The following SGSM1 variants were observed in gnomAD, a reference collection of about 807,000 sequenced individuals.
SGSM1 encodes the protein RUN and TBC1 domain containing 2.
In SGSM1, 73 loss-of-function variants were observed where a neutral mutation model predicts 133.8. The observed-to-expected ratio is 0.55, with a 90% CI of 0.45 to 0.66. The LOEUF (loss-of-function observed/expected upper bound fraction) is 0.66, where lower values mean the gene tolerates loss of function less well. SGSM1 is among the 30% of genes least tolerant of loss of function. The pLI, the probability that SGSM1 is intolerant of heterozygous loss-of-function variation, is 0.00. For missense variants in SGSM1, 1,213 were observed against 1,448.1 expected, an observed-to-expected ratio of 0.84 and a Z score of 2.64; for synonymous variants, 563 against 573.0, an observed-to-expected ratio of 0.98 and a Z score of 0.25.
chr22:24,837,580 C>CG (rs1929514449), intron 2 of SGSM1, among the ~76,000 whole-genome samples: 5 of 57,508 alleles, frequency 8.7e-5, no homozygotes, highest in African/African-American at 6.3e-4. Flanking sequence ...AAAGGGAGAC[C>CG]CCCCCCCCCC....
chr22:24,885,705 A>C (rs1398772392), intron 15 of SGSM1, among the ~76,000 whole-genome samples: 1 of 152,170 alleles, frequency 6.6e-6, no homozygotes, highest in Non-Finnish European at 1.5e-5. Context: ...TACAGGCGTG[A>C]GCCACTACGC....
intron 14 of SGSM1, among the ~76,000 whole-genome samples, chr22:24,882,078 T>A (rs1330003417): frequency 6.6e-6 from 1 of 152,120 alleles, no homozygotes. Flanking sequence ...AATTTCTACT[T>A]TTATTTTAGT....
intron 15 of SGSM1, 102 bp from the exon 16 acceptor site, chr22:24,886,498 G>A: frequency 1.4e-6 from 2 of 1,439,976 alleles, no homozygotes; most frequent in Non-Finnish European, 9.3e-7. Context: ...AAGGTCAGGA[G>A]TTCAAGACCA....
Position 24,837,578 on chromosome 22 carries a change from ACCCC to A in SGSM1, c.64-7309_64-7306del, listed in dbSNP as rs71189302. Among the ~76,000 whole-genome samples the A allele has an allele frequency of 2.0e-3, 102 of 51,696 alleles. 3 individuals are homozygous for A. Among genetic ancestry groups the A allele is most frequent in the African/African-American group, 0.01 (89 of 8,652 alleles). 33.9% of individuals were successfully genotyped at this position (51,696 alleles called of 152,430 possible). On this transcript the variant is annotated intron_variant, in intron 2 of 24. Transcript: ENST00000400358. ...TCTAAACTCCCCCGGGGAAAGGGAG[ACCCC>A]CCCCCCCCCTTTCCCAGTCTGCTAA...
chr22:24,882,503 T>G (rs1331543915), intron 14 of SGSM1, among the ~76,000 whole-genome samples: 1 of 152,236 alleles, frequency 6.6e-6, no homozygotes, highest in Non-Finnish European at 1.5e-5. Flanking sequence ...CTTCAAACAT[T>G]TATCTTCATT....
chr22:24,886,262 G>T (rs1932593358), intron 15 of SGSM1, among the ~76,000 whole-genome samples: 2 of 151,660 alleles, frequency 1.3e-5, no homozygotes, highest in Admixed American at 1.3e-4. Flanking sequence ...TTAGCTGGAT[G>T]TGGTGGCAAG....
At chr22:24,893,240 G>A (rs914400578) in intron 16 of SGSM1, among the ~76,000 whole-genome samples, 191 bp from the exon 17 acceptor site, 2 of 152,212 alleles carry the variant, frequency 1.3e-5, no homozygotes, top group Admixed American at 1.3e-4. Context: ...GAAAGAAGTA[G>A]CCTTGCTCCC....
chr22:24,897,905 G>A, intron 18 of SGSM1, 67 bp from the exon 19 acceptor site: 2 of 1,373,436 alleles, frequency 1.5e-6, no homozygotes, highest in South Asian at 1.4e-5. Flanking sequence ...GGATGTTTAG[G>A]TTGCTGATGT....
In SGSM1 at chr22:24,874,370, C is replaced by T. The variant is rs372283322; in HGVS notation, c.1292-2207C>T. ...CCAGCTGTCTCAGTGTCCTGCCCAC[C>T]GCAGAACCCCCACCTCACTGGTTCT... On this transcript the variant is annotated intron_variant, in intron 12 of 24. Coordinates refer to ENST00000400358, the MANE Select transcript of SGSM1 (RefSeq NM_001098497.3). 1.5e-4 allele frequency: 240 copies of T among 1,561,336 alleles called. 1 individual carries two copies. The highest frequency in any genetic ancestry group is 3.5e-4 in the Admixed American group (19 of 54,412).
chr22:24,818,912 C>T (rs1339973533), intron 2 of SGSM1, among the ~76,000 whole-genome samples: 8 of 151,646 alleles, frequency 5.3e-5, no homozygotes, highest in Non-Finnish European at 7.4e-5. Flanking sequence ...TTTGGGAGAC[C>T]GAGGCGGGCG....
chr22:24,822,988 G>C (rs1037121764), intron 2 of SGSM1, among the ~76,000 whole-genome samples: 1 of 152,180 alleles, frequency 6.6e-6, no homozygotes, highest in Non-Finnish European at 1.5e-5. Flanking sequence ...AACACCCATA[G>C]GTGTCTCTTG....
chr22:24,926,206 C>T lies in SGSM1; in HGVS notation c.*1932C>T, dbSNP rs5760740. ...CTTTCCCTTGGTATAGCAACTTCAA[C>T]TGCACCTGAACCTCCAACCTCTGCC... On this transcript the variant is annotated 3_prime_UTR_variant, in exon 25 of 25. Transcript: ENST00000400358. 1 of 152,292 alleles carries T rather than the reference C, an allele frequency of 6.6e-6. No individual in the cohort carries two copies. Among genetic ancestry groups the T allele is most frequent in the South Asian group, 2.1e-4 (1 of 4,832 alleles). The allele number at this position is 152,292 out of a possible 1,614,324, so 9.4% of individuals were successfully genotyped here. A position where few individuals can be genotyped will look rare whatever the true frequency, so the allele number is the denominator to read the frequency against.
At chr22:24,892,841 G>A (rs1186202143) in intron 16 of SGSM1, among the ~76,000 whole-genome samples, 4 of 141,530 alleles carry the variant, frequency 2.8e-5, no homozygotes, top group Non-Finnish European at 6.0e-5. Flanking sequence ...GAGGTCAAGA[G>A]ATCAAGACCA....
chr22:24,824,854 C>A (rs1476606878), intron 2 of SGSM1, among the ~76,000 whole-genome samples: 1 of 152,206 alleles, frequency 6.6e-6, no homozygotes, highest in Non-Finnish European at 1.5e-5. Flanking sequence ...CACTTTGTAA[C>A]GATTTACCCA....
chr22:24,919,136 C>T (rs917887921), intron 23 of SGSM1, among the ~76,000 whole-genome samples: 2 of 149,838 alleles, frequency 1.3e-5, no homozygotes, highest in Admixed American at 6.7e-5. Flanking sequence ...GCAGCCTCCA[C>T]TTCCTGGGTT....
intron 2 of SGSM1, among the ~76,000 whole-genome samples, chr22:24,820,573 C>A (rs1360716275): frequency 6.6e-6 from 1 of 152,180 alleles, no homozygotes; most frequent in Non-Finnish European, 1.5e-5. Context: ...TTCATTCCCC[C>A]CTCCCCACTG....
intron 8 of SGSM1, chr22:24,859,479 G>A (rs1930999046): frequency 8.7e-6 from 5 of 573,314 alleles, no homozygotes; most frequent in East Asian, 3.8e-5. Context: ...AGTGATGGGG[G>A]TGGGAGGCTT....
chr22:24,920,727 G>A (rs1359280428), intron 24 of SGSM1, among the ~76,000 whole-genome samples: 1 of 152,166 alleles, frequency 6.6e-6, no homozygotes, highest in Non-Finnish European at 1.5e-5. Context: ...AACATTATTA[G>A]GGTTCTTAAT....
chr22:24,863,090 C>T (rs982241829), intron 9 of SGSM1, among the ~76,000 whole-genome samples: 4 of 152,204 alleles, frequency 2.6e-5, no homozygotes, highest in African/African-American at 9.6e-5. Context: ...CGCAGATAAT[C>T]GGGGACCCGT....
Sources: gnomAD v4.1 joint callset for allele counts (sites outside exome capture counted in the v4.1 genomes callset) on GRCh38, gnomAD v4.1.1 for gene constraint, MANE v1.5 for transcripts, NCBI Gene and HGNC (gene_info 2026-07-23, HGNC 2026-07-21) for gene names.